FBXL7: variants seen among roughly 807,000 people sequenced by gnomAD.
FBXL7 encodes F-box and leucine rich repeat protein 7.
FBXL7 carries 12 observed loss-of-function variants against 38.3 expected under a neutral mutation model. That is an observed-to-expected ratio of 0.31 (90% CI 0.20 to 0.51). The LOEUF (loss-of-function observed/expected upper bound fraction) is 0.51. Among genes scored for constraint, FBXL7 ranks in the 20% least tolerant of loss-of-function variants. The pLI, the probability that FBXL7 is intolerant of heterozygous loss-of-function variation, is 0.98. For missense variants in FBXL7, 567 were observed against 676.4 expected (o/e 0.84, Z 1.79); for synonymous variants, 297 against 300.9 (o/e 0.99, Z 0.13).
At chr5:15,885,621 A>G (rs375775997) in intron 2 of FBXL7, among the ~76,000 whole-genome samples, 3 of 152,176 alleles carry the variant, frequency 2.0e-5, no homozygotes, top group East Asian at 1.9e-4. Flanking sequence ...TGTTCAAAAC[A>G]TACAGATAAT....
intron 2 of FBXL7, among the ~76,000 whole-genome samples, chr5:15,902,458 A>C (rs777198119): frequency 1.3e-5 from 2 of 152,238 alleles, no homozygotes; most frequent in Non-Finnish European, 2.9e-5. Flanking sequence ...TAATATACAA[A>C]GAAGAACTCA....
chr5:15,513,620 G>C (rs1284091161), intron 1 of FBXL7, among the ~76,000 whole-genome samples: 1 of 152,208 alleles, frequency 6.6e-6, no homozygotes, highest in Non-Finnish European at 1.5e-5. Flanking sequence ...TGGTGGAGGG[G>C]ATTTTACTCT....
At chr5:15,793,220 G>A (rs531284362) in intron 2 of FBXL7, among the ~76,000 whole-genome samples, 29 of 152,312 alleles carry the variant, frequency 1.9e-4, no homozygotes, top group Admixed American at 1.0e-3. Flanking sequence ...TACTGCAAAT[G>A]TGGTGCCTTG....
intron 1 of FBXL7, among the ~76,000 whole-genome samples, chr5:15,560,706 C>T (rs539770635): frequency 1.3e-5 from 2 of 152,294 alleles, no homozygotes; most frequent in African/African-American, 2.4e-5. Flanking sequence ...TTCAACTTCC[C>T]TCTGTTCTTC....
At chr5:15,526,782 G>A (rs1007151678) in intron 1 of FBXL7, among the ~76,000 whole-genome samples, 28 of 152,044 alleles carry the variant, frequency 1.8e-4, no homozygotes, top group African/African-American at 6.3e-4. Flanking sequence ...AGAATTAAGG[G>A]GTCTAAAAGT....
chr5:15,825,913 A>G (rs1466689107), intron 2 of FBXL7, among the ~76,000 whole-genome samples: 1 of 152,218 alleles, frequency 6.6e-6, no homozygotes, highest in Non-Finnish European at 1.5e-5. Flanking sequence ...AAGAAACAAA[A>G]CCAGGAGCAA....
chr5:15,906,436 A>AT lies in FBXL7; in HGVS notation c.128-21435dup, dbSNP rs70938032. Among the ~76,000 whole-genome samples the AT allele has an allele frequency of 7.2e-3, 911 of 125,884 alleles. 14 individuals are homozygous for AT. Among genetic ancestry groups the AT allele is most frequent in the African/African-American group, 0.022 (729 of 32,994 alleles). 82.6% of individuals were successfully genotyped at this position (125,884 alleles called of 152,430 possible). ...TATTTTACATAGTTGACCTAGAAGG[A>AT]TTTTTTTTTTTTTTTTTTTATGTAA... On this transcript the variant is annotated intron_variant, in intron 2 of 3. Transcript: ENST00000504595.
intron 2 of FBXL7, among the ~76,000 whole-genome samples, chr5:15,785,451 G>A (rs1217354891): frequency 6.6e-6 from 1 of 152,152 alleles, no homozygotes; most frequent in Admixed American, 6.5e-5. Context: ...CACCCAGTTG[G>A]TGGTTATAAA....
intron 2 of FBXL7, among the ~76,000 whole-genome samples, chr5:15,844,630 C>G (rs546107296): frequency 6.6e-6 from 1 of 152,254 alleles, no homozygotes; most frequent in Non-Finnish European, 1.5e-5. Flanking sequence ...GGGGCCACAG[C>G]CCCCAGTGTC....
intron 1 of FBXL7, among the ~76,000 whole-genome samples, chr5:15,518,117 G>T (rs1027557841): frequency 3.3e-5 from 5 of 151,920 alleles, no homozygotes; most frequent in African/African-American, 1.2e-4. Flanking sequence ...CAGCCTCCTG[G>T]GTACCTGGGA....
intron 2 of FBXL7, among the ~76,000 whole-genome samples, chr5:15,621,927 A>C (rs929238222): frequency 6.6e-6 from 1 of 152,224 alleles, no homozygotes; most frequent in Admixed American, 6.5e-5. Context: ...TTAATTAATG[A>C]AATCACCATC....
intron 2 of FBXL7, among the ~76,000 whole-genome samples, chr5:15,739,899 G>A (rs1735851156): frequency 6.6e-6 from 1 of 152,076 alleles, no homozygotes; most frequent in African/African-American, 2.4e-5. Flanking sequence ...ACCTAGGAGT[G>A]GAATATACCT....
chr5:15,830,066 C>T (rs1738412179), intron 2 of FBXL7, among the ~76,000 whole-genome samples: 1 of 152,166 alleles, frequency 6.6e-6, no homozygotes, highest in South Asian at 2.1e-4. Context: ...TTCAAACTCT[C>T]CCCAGCAAAG....
At chr5:15,933,085 TA>T (rs1742083692) in intron 3 of FBXL7, among the ~76,000 whole-genome samples, 1 of 152,188 alleles carries the variant, frequency 6.6e-6, no homozygotes, top group African/African-American at 2.4e-5. Flanking sequence ...TCCATGTCTA[TA>T]ATGTTTGAAT....
At chr5:15,555,222 A>ACG (rs977028807) in intron 1 of FBXL7, among the ~76,000 whole-genome samples, 1 of 151,864 alleles carries the variant, frequency 6.6e-6, no homozygotes, top group Non-Finnish European at 1.5e-5. Flanking sequence ...AGACACACAC[A>ACG]CCCCCCACAG....
chr5:15,920,952 T>C (rs1741724247), intron 2 of FBXL7, among the ~76,000 whole-genome samples: 1 of 152,202 alleles, frequency 6.6e-6, no homozygotes, highest in Non-Finnish European at 1.5e-5. Context: ...CAAAAGTGTG[T>C]GGTCATTTCT....
chr5:15,722,370 G>A (rs945118445), intron 2 of FBXL7, among the ~76,000 whole-genome samples: 5 of 152,060 alleles, frequency 3.3e-5, no homozygotes, highest in Admixed American at 6.6e-5. Context: ...AAATTTGCAC[G>A]TATATACCTG....
intron 1 of FBXL7, among the ~76,000 whole-genome samples, chr5:15,593,592 A>G (rs1030250877): frequency 1.3e-5 from 2 of 152,138 alleles, no homozygotes; most frequent in Non-Finnish European, 2.9e-5. Flanking sequence ...TTGCTGGTGC[A>G]AAGATTTAGA....
At chr5:15,826,872 T>G (rs1194878015) in intron 2 of FBXL7, among the ~76,000 whole-genome samples, 1 of 151,380 alleles carries the variant, frequency 6.6e-6, no homozygotes, top group African/African-American at 2.4e-5. Context: ...TCTCGTAGTC[T>G]CCTGACATTG....
Sources: allele counts gnomAD v4.1 joint callset (sites outside exome capture counted in the v4.1 genomes callset), GRCh38; gene constraint gnomAD v4.1.1; transcripts MANE v1.5; gene names NCBI Gene and HGNC (gene_info 2026-07-23, HGNC 2026-07-21).